The following AGTPBP1 variants were observed in gnomAD, a reference collection of about 807,000 sequenced individuals.
AGTPBP1 encodes cytosolic carboxypeptidase 1.
Under a neutral mutation model 143.9 loss-of-function variants are expected in AGTPBP1, and 70 were observed. That is an observed-to-expected ratio of 0.49 (90% CI 0.40 to 0.59). AGTPBP1 has a LOEUF of 0.59. Among genes scored for constraint, AGTPBP1 ranks in the 20% least tolerant of loss-of-function variants. The probability of loss-of-function intolerance (pLI) is 0.00; values close to 1 mark genes in which losing one functional copy is unlikely to be tolerated. For synonymous variants in AGTPBP1, 463 were observed against 500.2 expected, an observed-to-expected ratio of 0.93 and a Z score of 0.99; for missense variants, 1,229 against 1,464.5, an observed-to-expected ratio of 0.84 and a Z score of 2.62.
rs1275417416 is a variant in AGTPBP1 at position 85,655,325 on chromosome 9, T to G, written c.910-5A>C. 5 of 1,476,732 alleles carry G rather than the reference T, an allele frequency of 3.4e-6. No individual in the cohort carries two copies. The allele number at this position is 1,476,732 out of a possible 1,614,324, so 91.5% of individuals were successfully genotyped here. A position where few individuals can be genotyped will look rare whatever the true frequency, so the allele number is the denominator to read the frequency against. ...AGTCCTGACTGCCAGACATTCCTGT[T>G]TTTTAAAAAAAGAAAAAGAAAAAGA... On this transcript the variant is annotated splice_polypyrimidine_tract_variant and splice_region_variant and intron_variant, in intron 10 of 25. Transcript: ENST00000357081.
intron 25 of AGTPBP1, among the ~76,000 whole-genome samples, chr9:85,556,386 CA>C (rs1206716247): frequency 6.6e-6 from 1 of 151,550 alleles, no homozygotes; most frequent in Non-Finnish European, 1.5e-5. Flanking sequence ...ATTGGAATAA[CA>C]ATAAAACTTT....
chr9:85,765,215 C>T, the AGTPBP1 span: 426 of 246,912 alleles, frequency 1.7e-3, 12 homozygotes, highest in South Asian at 0.024. Flanking sequence ...TGGGGTTTCT[C>T]GTCTGAAATC....
intron 2 of AGTPBP1, among the ~76,000 whole-genome samples, chr9:85,706,879 A>G (rs1326323420): frequency 6.6e-6 from 1 of 152,102 alleles, no homozygotes; most frequent in Non-Finnish European, 1.5e-5. Context: ...CCATCTCAAA[A>G]TAAATAAATA....
At chr9:85,776,502 CAATTGACCTTA>C in the AGTPBP1 span, among the ~76,000 whole-genome samples, 2 of 152,288 alleles carry the variant, frequency 1.3e-5, no homozygotes, top group East Asian at 3.9e-4. Flanking sequence ...TTGTAGTTTC[CAATTGACCTTA>C]ATCACAGAGC....
At chr9:85,548,590 C>T (rs1220354231) in intron 25 of AGTPBP1, among the ~76,000 whole-genome samples, 2 of 151,628 alleles carry the variant, frequency 1.3e-5, no homozygotes, top group Admixed American at 1.3e-4. Context: ...TAATTTGCAA[C>T]TAAAATATTT....
chr9:85,552,220 C>T (rs1826076119), intron 25 of AGTPBP1, among the ~76,000 whole-genome samples: 1 of 152,234 alleles, frequency 6.6e-6, no homozygotes, highest in Non-Finnish European at 1.5e-5. Context: ...TTGAAATTCT[C>T]TGCTGTATGG....
At chr9:85,721,570 ATG>A (rs1838123402) in intron 1 of AGTPBP1, among the ~76,000 whole-genome samples, 1 of 147,186 alleles carries the variant, frequency 6.8e-6, no homozygotes, top group Non-Finnish European at 1.5e-5. Flanking sequence ...GTGTCTTTGC[ATG>A]TGAGATGGGT....
the AGTPBP1 span, among the ~76,000 whole-genome samples, chr9:85,802,742 A>G: frequency 6.6e-6 from 1 of 152,202 alleles, no homozygotes; most frequent in African/African-American, 2.4e-5. Context: ...TCCTTCATCC[A>G]GGCACCTTCT....
chr9:85,759,695 C>T, the AGTPBP1 span, among the ~76,000 whole-genome samples: 1 of 152,160 alleles, frequency 6.6e-6, no homozygotes, highest in African/African-American at 2.4e-5. Flanking sequence ...AACAGCCTAA[C>T]ATCACAATTA....
In AGTPBP1 at chr9:85,583,098, T is replaced by C. The variant is rs557095094; in HGVS notation, c.3165+2365A>G. Among the ~76,000 whole-genome samples the C allele has an allele frequency of 2.6e-5, 4 of 152,214 alleles. No homozygotes were observed. In the South Asian group the frequency reaches 8.3e-4, roughly 32 times the overall value. ...TTTGATTCCTGGCTGAAAGGGACCA[T>C]GATGCAAGGAACACAGACATGCTAG... On this transcript the variant is annotated intron_variant, in intron 23 of 25. Transcript: ENST00000357081.
chr9:85,574,589 T>A (rs576755227), intron 25 of AGTPBP1, among the ~76,000 whole-genome samples: 38 of 152,172 alleles, frequency 2.5e-4, no homozygotes, highest in Non-Finnish European at 4.7e-4. Flanking sequence ...GCAGATGTAG[T>A]TCAATTTTCA....
chr9:85,608,034 T>C (rs1213816448), intron 17 of AGTPBP1, among the ~76,000 whole-genome samples: 1 of 152,076 alleles, frequency 6.6e-6, no homozygotes, highest in Non-Finnish European at 1.5e-5. Context: ...ATAAATAAAT[T>C]CAATAAGTAG....
intron 13 of AGTPBP1, among the ~76,000 whole-genome samples, chr9:85,641,694 A>G (rs190817090): frequency 1.1e-3 from 160 of 152,034 alleles, no homozygotes; most frequent in Middle Eastern, 3.4e-3. Context: ...ATTCTAGGTG[A>G]TAAATGTTTC....
intron 1 of AGTPBP1, among the ~76,000 whole-genome samples, chr9:85,725,942 A>G (rs902389285): frequency 3.1e-4 from 47 of 151,152 alleles, no homozygotes; most frequent in Non-Finnish European, 2.9e-4. Context: ...CCAGCTACTC[A>G]GGAGGCTGAG....
At chr9:85,751,725 G>A in the AGTPBP1 span, among the ~76,000 whole-genome samples, 90 of 152,068 alleles carry the variant, frequency 5.9e-4, no homozygotes, top group African/African-American at 1.9e-3. Flanking sequence ...AGCGATTCTC[G>A]TGCCTCAGCC....
intron 3 of AGTPBP1, among the ~76,000 whole-genome samples, chr9:85,692,123 A>G (rs181268754): frequency 1.3e-5 from 2 of 152,328 alleles, no homozygotes; most frequent in African/African-American, 4.8e-5. Context: ...ATCTATATCA[A>G]GTAGCACTGG....
chr9:85,753,781 G>T, the AGTPBP1 span, among the ~76,000 whole-genome samples: 1 of 151,848 alleles, frequency 6.6e-6, no homozygotes, highest in Non-Finnish European at 1.5e-5. Flanking sequence ...TAGATAGATA[G>T]ATAGATAGAT....
At chr9:85,626,771 T>C (rs922132641) in intron 14 of AGTPBP1, among the ~76,000 whole-genome samples, 1 of 152,118 alleles carries the variant, frequency 6.6e-6, no homozygotes, top group Non-Finnish European at 1.5e-5. Context: ...TCATAGACAA[T>C]GCATTAAAAA....
chr9:85,676,875 T>C (rs1395585642), intron 6 of AGTPBP1, among the ~76,000 whole-genome samples: 1 of 152,198 alleles, frequency 6.6e-6, no homozygotes, highest in African/African-American at 2.4e-5. Flanking sequence ...TGAAATCCTG[T>C]CATTTGCAGC....
Sources: gnomAD v4.1 joint callset for allele counts (sites outside exome capture counted in the v4.1 genomes callset) on GRCh38, gnomAD v4.1.1 for gene constraint, MANE v1.5 for transcripts, NCBI Gene and HGNC (gene_info 2026-07-23, HGNC 2026-07-21) for gene names.